Variants in WBP2NL observed in about 807,000 individuals in gnomAD.
The protein encoded by WBP2NL is postacrosomal sheath WW domain-binding protein.
A neutral mutation model predicts 23.3 loss-of-function variants in WBP2NL; 27 were observed. The ratio of observed to expected loss-of-function variants is 1.16; its 90% CI spans 0.85 to 1.60. The LOEUF (loss-of-function observed/expected upper bound fraction) is 1.60, where lower values mean the gene tolerates loss of function less well. Among genes scored for constraint, WBP2NL ranks in the 40% most tolerant of loss-of-function variants. The probability of loss-of-function intolerance (pLI) is 0.00; values close to 1 mark genes in which losing one functional copy is unlikely to be tolerated. For missense variants in WBP2NL, 370 were observed against 389.5 expected (o/e 0.95, Z 0.42); for synonymous variants, 151 against 145.9 (o/e 1.03, Z -0.25).
At chr22:42,051,671 G>GCTGGGGT (rs1195617793) in intron 8 of WBP2NL, among the ~76,000 whole-genome samples, 1 of 152,090 alleles carries the variant, frequency 6.6e-6, no homozygotes, top group East Asian at 1.9e-4. Context: ...TCTTTAAAAG[G>GCTGGGGT]CTGGGGTCAG....
intron 1 of WBP2NL, among the ~76,000 whole-genome samples, chr22:42,013,529 T>C (rs1040215999): frequency 1.3e-5 from 2 of 152,210 alleles, no homozygotes; most frequent in Non-Finnish European, 2.9e-5. Flanking sequence ...TGCATGTCAG[T>C]GTGGAACTGA....
At chr22:42,022,685 C>T (rs1924085416) in intron 5 of WBP2NL, among the ~76,000 whole-genome samples, 1 of 152,224 alleles carries the variant, frequency 6.6e-6, no homozygotes, top group South Asian at 2.1e-4. Context: ...TTTCACATAG[C>T]ATAGTCATCA....
chr22:42,021,204 G>A (rs1302048620), intron 4 of WBP2NL, among the ~76,000 whole-genome samples: 2 of 151,906 alleles, frequency 1.3e-5, no homozygotes, highest in Non-Finnish European at 2.9e-5. Context: ...ACAGGCGTGA[G>A]CCAGCACGCC....
chr22:42,036,970 T>G (rs1925203947), downstream of WBP2NL, among the ~76,000 whole-genome samples: 1 of 152,190 alleles, frequency 6.6e-6, no homozygotes, highest in Admixed American at 6.5e-5. Context: ...TTTCATTGCC[T>G]GTGCTTTTGG....
At chr22:42,021,229 G>C (rs868184695) in intron 4 of WBP2NL, among the ~76,000 whole-genome samples, 1 of 151,814 alleles carries the variant, frequency 6.6e-6, no homozygotes, top group African/African-American at 2.4e-5. Context: ...CGGTCCTTGC[G>C]ATCTTTAACC....
chr22:42,000,987 C>T (rs775646834), intron 1 of WBP2NL: 52 of 487,554 alleles, frequency 1.1e-4, no homozygotes, highest in Non-Finnish European at 1.5e-4. Context: ...AGGGAGACTC[C>T]GTCTCAAAAA....
At chr22:42,030,943 C>T (rs1436987879), downstream of WBP2NL, 3 of 152,210 alleles carry the variant, frequency 2.0e-5, no homozygotes, top group Admixed American at 6.5e-5. Flanking sequence ...CTAGACTTCT[C>T]TTCTGCTCTT....
chr22:42,057,338 A>C (rs962745670), intron 8 of WBP2NL, among the ~76,000 whole-genome samples: 1 of 152,148 alleles, frequency 6.6e-6, no homozygotes, highest in African/African-American at 2.4e-5. Context: ...TCTCATTTCA[A>C]CTATTGTACT....
rs1305918464 is a variant in WBP2NL at position 41,998,933 on chromosome 22, A to G, written c.62+53A>G. 2.6e-6 allele frequency: 4 copies of G among 1,547,926 alleles called. No homozygotes were observed. The African/African-American group carries it at 5.5e-5, about 21-fold the overall frequency. Reference sequence around the variant, plus strand: ...TCGGAGGAGAGGAGACGAATGAGATAGACATGGCGGCTCGCAAACTCTCAG... The same window carrying G: ...TCGGAGGAGAGGAGACGAATGAGATGGACATGGCGGCTCGCAAACTCTCAG... On this transcript the variant is annotated intron_variant, in intron 1 of 5. Coordinates refer to ENST00000328823, the MANE Select transcript of WBP2NL (RefSeq NM_152613.3).
At chr22:42,008,350 C>T (rs933975633) in intron 1 of WBP2NL, among the ~76,000 whole-genome samples, 7 of 151,784 alleles carry the variant, frequency 4.6e-5, no homozygotes, top group Admixed American at 3.3e-4. Context: ...GCCAGGATTA[C>T]AAGCATATGC....
chr22:41,999,988 AC>A (rs1921446620), intron 1 of WBP2NL, among the ~76,000 whole-genome samples: 1 of 151,830 alleles, frequency 6.6e-6, no homozygotes, highest in Admixed American at 6.6e-5. Flanking sequence ...TTTACCCCAC[AC>A]GCCCCCTTTC....
At chr22:42,048,145 G>C (rs1925670436) in intron 8 of WBP2NL, among the ~76,000 whole-genome samples, 2 of 151,766 alleles carry the variant, frequency 1.3e-5, no homozygotes, top group Non-Finnish European at 2.9e-5. Context: ...AAATAGGCTG[G>C]GTGCGGTGGC....
chr22:42,016,172 G>T (rs1344774152), intron 1 of WBP2NL, among the ~76,000 whole-genome samples: 1 of 151,764 alleles, frequency 6.6e-6, no homozygotes, highest in Admixed American at 6.6e-5. Context: ...GTAGAGACGG[G>T]GTTTCTCCAT....
rs1923661070 is a variant in WBP2NL, at chr22:42,019,374, C to A, written c.126C>A (p.Val42=). 6.2e-7 allele frequency: 1 copy of A among 1,614,080 alleles called. No individual in the cohort carries two copies. Among genetic ancestry groups the A allele is most frequent in the African/African-American group, 1.3e-5 (1 of 74,916 alleles). Residue 42 remains valine (V), a synonymous_variant, in exon 2 of 6, where the codon GTC becomes GTA. Transcript: ENST00000328823. The part of the protein sequence containing the change: ...SFPQRSEGSN[V]FSGRKTGTLF... The stretch of plus-strand genomic sequence containing the variant: ...CACAGCGATCAGAAGGCTCAAATGT[C>A]TTTAGTGGTAGAAAGACAGGAACAT...
At chr22:42,042,542 T>G (rs1411778993) in intron 8 of WBP2NL, among the ~76,000 whole-genome samples, 2 of 152,212 alleles carry the variant, frequency 1.3e-5, no homozygotes, top group African/African-American at 2.4e-5. Flanking sequence ...TCTCATTTCA[T>G]TCTTGTATTC....
chr22:42,019,785 A>G lies in WBP2NL; in HGVS notation c.295A>G (p.Ile99Val), dbSNP rs976807700. Residue 99 changes from isoleucine to valine, a missense_variant, in exon 3 of 6, where the codon ATT (isoleucine) becomes GTT (valine). Transcript: ENST00000328823. ...VFAANFIKGTIQAAPYGGWEG... is the reference protein window; with the variant it reads ...VFAANFIKGTVQAAPYGGWEG... ...TGCTGCAAACTTCATTAAGGGAACT[A>G]TTCAGGCAGCTCCATATGGTAAGTG... The G allele has an allele frequency of 1.2e-6, 2 of 1,614,222 alleles. No homozygotes were observed. The highest frequency in any genetic ancestry group is 1.7e-6 in the Non-Finnish European group (2 of 1,180,036).
downstream of WBP2NL, among the ~76,000 whole-genome samples, chr22:42,035,379 GC>G (rs1257593174): frequency 6.6e-6 from 1 of 152,158 alleles, no homozygotes; most frequent in African/African-American, 2.4e-5. Context: ...GCCCCTCTGG[GC>G]CCTGAGAGCA....
At chr22:42,021,968 T>A (rs1924019938) in intron 4 of WBP2NL, among the ~76,000 whole-genome samples, 2 of 151,954 alleles carry the variant, frequency 1.3e-5, no homozygotes, top group Admixed American at 6.6e-5. Context: ...GGCTAATTTT[T>A]AAAAAATTTT....
intron 8 of WBP2NL, among the ~76,000 whole-genome samples, chr22:42,049,491 C>T (rs565589075): frequency 5.3e-4 from 81 of 152,012 alleles, no homozygotes; most frequent in African/African-American, 1.8e-3. Context: ...GAGATTGAGA[C>T]CATCCTGGCT....
Sources: allele counts gnomAD v4.1 joint callset (sites outside exome capture counted in the v4.1 genomes callset), GRCh38; gene constraint gnomAD v4.1.1; transcripts MANE v1.5; gene names NCBI Gene and HGNC (gene_info 2026-07-23, HGNC 2026-07-21).